SLBP: variants seen among roughly 807,000 people sequenced by gnomAD.
SLBP encodes stem-loop histone mRNA binding protein, also known as histone RNA hairpin-binding protein.
SLBP carries 29 observed loss-of-function variants against 39.2 expected under a neutral mutation model. The observed-to-expected ratio is 0.74, with a 90% CI of 0.55 to 1.01. The LOEUF is 1.01. Among genes scored for constraint, SLBP ranks in the 50% least tolerant of loss-of-function variants. SLBP has a pLI of 0.00. For missense variants in SLBP, 390 were observed against 350.2 expected (o/e 1.11, Z -0.91); for synonymous variants, 129 against 118.7 (o/e 1.09, Z -0.57).
chr4:1,693,415 T>C lies in SLBP; in HGVS notation c.*182A>G. ...CATTTACAATTTAAAACATGCAAAA[T>C]ATACTCACTATACATAAAATTAATG... is the stretch of plus-strand genomic sequence containing the variant. On this transcript the variant is annotated 3_prime_UTR_variant, in exon 8 of 8. Transcript: ENST00000489418. The C allele has an allele frequency of 1.8e-6, 1 of 554,798 alleles. No homozygotes were observed. Among genetic ancestry groups the C allele is most frequent in the Non-Finnish European group, 3.2e-6 (1 of 309,516 alleles). The allele number at this position is 554,798 out of a possible 1,614,324, so 34.4% of individuals were successfully genotyped here. A position where few individuals can be genotyped will look rare whatever the true frequency, so the allele number is the denominator to read the frequency against.
At chr4:1,704,146 G>A (rs149777942) in intron 2 of SLBP, among the ~76,000 whole-genome samples, 3 of 152,276 alleles carry the variant, frequency 2.0e-5, no homozygotes, top group Non-Finnish European at 4.4e-5. Context: ...GATTCCTTTT[G>A]GGTGTCCACA....
At chr4:1,698,925 G>A (rs1716224662) in intron 5 of SLBP, among the ~76,000 whole-genome samples, 1 of 152,048 alleles carries the variant, frequency 6.6e-6, no homozygotes, top group African/African-American at 2.4e-5. Flanking sequence ...AAGTAGCTGG[G>A]ACTACAGGTG....
Position 1,707,331 on chromosome 4 carries a change from C to A in SLBP, c.177-3631G>T, listed in dbSNP as rs185494395. 8.7e-3 allele frequency among the ~76,000 whole-genome samples: 974 copies of A among 112,564 alleles called. 47 individuals are homozygous for A. Among genetic ancestry groups the A allele is most frequent in the African/African-American group, 0.033 (928 of 28,186 alleles). The allele number at this position is 112,564 out of a possible 152,430, so 73.8% of individuals were successfully genotyped here. A position where few individuals can be genotyped will look rare whatever the true frequency, so the allele number is the denominator to read the frequency against. Reference sequence around the variant, plus strand: ...GACCAGCCTGGCTAACATGGTGAAACGCTGTCTCTACTAAAAATACAAAAA... The same window carrying A: ...GACCAGCCTGGCTAACATGGTGAAAAGCTGTCTCTACTAAAAATACAAAAA... On this transcript the variant is annotated intron_variant, in intron 2 of 7. Coordinates refer to ENST00000489418, the MANE Select transcript of SLBP (RefSeq NM_006527.4).
chr4:1,711,952 C>T lies in SLBP; in HGVS notation c.98G>A (p.Arg33His). The T allele has an allele frequency of 7.5e-7, 1 of 1,333,894 alleles. No homozygotes were observed. Among genetic ancestry groups the T allele is most frequent in the East Asian group, 3.1e-5 (1 of 32,348 alleles). 82.6% of individuals were successfully genotyped at this position (1,333,894 alleles called of 1,614,324 possible). A position where few individuals can be genotyped will look rare whatever the true frequency, so the allele number is the denominator to read the frequency against. The change falls in exon 2 of 8, where the codon CGC becomes CAC. Residue 33 changes from arginine (R) to histidine (H), a missense_variant. By Grantham distance (29) the Arg-to-His change is conservative. Transcript: ENST00000489418. ...SPARWSLGRK[R>H]RADGRRWRPE... ...CCTCCAGCGCCTGCCGTCGGCTCTG[C>T]GCTTCCGTCCCAGGCTCCATCGCGC... is the stretch of plus-strand genomic sequence containing the variant.
In SLBP at chr4:1,708,229, T is replaced by C. The variant is rs906337323; in HGVS notation, c.176+3645A>G. On this transcript the variant is annotated intron_variant, in intron 2 of 7. Coordinates refer to ENST00000489418, the MANE Select transcript of SLBP (RefSeq NM_006527.4). ...ATCACACCACTGAACTCCAGCCTGGTTGACAGTTATGCCCCGTCACAAAAA... is the reference window on the plus strand; with the variant it reads ...ATCACACCACTGAACTCCAGCCTGGCTGACAGTTATGCCCCGTCACAAAAA... 4.6e-5 allele frequency among the ~76,000 whole-genome samples: 7 copies of C among 152,266 alleles called. 1 individual carries two copies. Among genetic ancestry groups the C allele is most frequent in the Admixed American group, 3.3e-4 (5 of 15,290 alleles).
intron 2 of SLBP, among the ~76,000 whole-genome samples, chr4:1,710,231 C>T (rs1716689105): frequency 6.6e-6 from 1 of 152,206 alleles, no homozygotes. Context: ...ACTCACTGTG[C>T]CTGAAGATGC....
At chr4:1,702,574 A>G (rs1421591117) in intron 3 of SLBP, among the ~76,000 whole-genome samples, 1 of 152,208 alleles carries the variant, frequency 6.6e-6, no homozygotes, top group East Asian at 1.9e-4. Context: ...TATGAGCCAC[A>G]TTTTAACTGG....
intron 5 of SLBP, among the ~76,000 whole-genome samples, chr4:1,697,215 C>T (rs1362927200): frequency 6.8e-6 from 1 of 146,874 alleles, no homozygotes; most frequent in Non-Finnish European, 1.5e-5. Context: ...ACGCTGTAAT[C>T]CCAGCACTTT....
intron 2 of SLBP, among the ~76,000 whole-genome samples, chr4:1,705,285 C>T (rs1716476594): frequency 6.6e-6 from 1 of 152,176 alleles, no homozygotes; most frequent in Non-Finnish European, 1.5e-5. Context: ...TGTTCTCTCT[C>T]CATTCTCATT....
chr4:1,711,797 G>T (rs965360536), intron 2 of SLBP, 77 bp downstream of exon 2: 5 of 738,910 alleles, frequency 6.8e-6, no homozygotes, highest in Non-Finnish European at 9.5e-6. Flanking sequence ...GGCACCGCGA[G>T]AGCGCGACGA....
At chr4:1,711,646 A>C (rs1013247287) in intron 2 of SLBP, among the ~76,000 whole-genome samples, 2 of 152,212 alleles carry the variant, frequency 1.3e-5, no homozygotes, top group African/African-American at 2.4e-5. Context: ...ACTCGGGCTG[A>C]CGCCGGTTCA....
intron 7 of SLBP, 29 bp from the exon 8 acceptor site, chr4:1,693,742 C>T (rs1716003377): frequency 3.5e-6 from 5 of 1,438,530 alleles, no homozygotes; most frequent in African/African-American, 1.4e-5. Context: ...GCTCGGTTGA[C>T]ATTCATCTCA....
At chr4:1,702,815 T>C (rs2236995) in intron 3 of SLBP, among the ~76,000 whole-genome samples, 17 of 151,990 alleles carry the variant, frequency 1.1e-4, no homozygotes, top group Non-Finnish European at 1.6e-4. Context: ...TCCTTGTATG[T>C]TGGCATTTCT....
At chr4:1,693,753 C>T in intron 7 of SLBP, 40 bp from the exon 8 acceptor site, 1 of 1,370,840 alleles carries the variant, frequency 7.3e-7, no homozygotes, top group Non-Finnish European at 1.0e-6. Flanking sequence ...ATTCATCTCA[C>T]CCTGAAAACA....
chr4:1,700,699 C>G (rs1716291951), intron 3 of SLBP, among the ~76,000 whole-genome samples: 1 of 152,028 alleles, frequency 6.6e-6, no homozygotes, highest in African/African-American at 2.4e-5. Context: ...AGCTAGGACT[C>G]CAGGCAAGTG....
At position 1,712,267 on chromosome 4, in the gene SLBP, G is replaced by T; in HGVS notation, c.-79C>A. 1 of 917,622 alleles carries T rather than the reference G, an allele frequency of 1.1e-6. No homozygotes were observed. Among genetic ancestry groups the T allele is most frequent in the South Asian group, 2.4e-5 (1 of 41,878 alleles). The allele number at this position is 917,622 out of a possible 1,614,324, so 56.8% of individuals were successfully genotyped here. ...CGGGCAGAGAGCGCAGAGTAGAGCA[G>T]GGCAGGGCCTGAGGCAGAAACCCGC... On this transcript the variant is annotated 5_prime_UTR_variant, in exon 1 of 8. In the 5' UTR this introduces an upstream ATG that the reference lacks. Transcript: ENST00000489418.
intron 2 of SLBP, among the ~76,000 whole-genome samples, chr4:1,705,147 G>A (rs560668058): frequency 5.9e-5 from 9 of 152,098 alleles, no homozygotes; most frequent in African/African-American, 1.9e-4. Context: ...GGCTGGTCTC[G>A]AACTCCTGAC....
chr4:1,710,125 C>T (rs375526257), intron 2 of SLBP, among the ~76,000 whole-genome samples: 10 of 151,756 alleles, frequency 6.6e-5, no homozygotes, highest in East Asian at 1.9e-4. Context: ...GTGATGGGCC[C>T]GCCTTGGCCT....
intron 2 of SLBP, among the ~76,000 whole-genome samples, chr4:1,708,689 G>C (rs1164391371): frequency 6.6e-6 from 1 of 152,136 alleles, no homozygotes; most frequent in Non-Finnish European, 1.5e-5. Context: ...GATTAAGTAG[G>C]TTATATTCAT....
Sources: gnomAD v4.1 joint callset for allele counts (sites outside exome capture counted in the v4.1 genomes callset) on GRCh38, gnomAD v4.1.1 for gene constraint, MANE v1.5 for transcripts, NCBI Gene and HGNC (gene_info 2026-07-23, HGNC 2026-07-21) for gene names.